KCNIP4: variants seen among roughly 807,000 people sequenced by gnomAD.
KCNIP4 encodes the protein Kv channel-interacting protein 4.
A neutral mutation model predicts 34.0 loss-of-function variants in KCNIP4; 12 were observed. That is an observed-to-expected ratio of 0.35 (90% confidence interval 0.23 to 0.57). KCNIP4 has a LOEUF of 0.57. KCNIP4 is among the 20% of genes least tolerant of loss of function. The probability of loss-of-function intolerance (pLI) is 0.83; values close to 1 mark genes in which losing one functional copy is unlikely to be tolerated. For missense variants in KCNIP4, 238 were observed against 311.7 expected, an observed-to-expected ratio of 0.76 and a Z score of 1.78; for synonymous variants, 124 against 102.2, an observed-to-expected ratio of 1.21 and a Z score of -1.29.
intron 1 of KCNIP4, among the ~76,000 whole-genome samples, chr4:21,332,696 T>C (rs1030226168): frequency 1.3e-5 from 2 of 151,920 alleles, no homozygotes; most frequent in South Asian, 4.1e-4. Context: ...TCCTGTAATG[T>C]ATTACATCAG....
chr4:21,643,732 A>G (rs1394132), intron 1 of KCNIP4, among the ~76,000 whole-genome samples: 70,067 of 151,748 alleles, frequency 0.46, 16,712 homozygotes, highest in Non-Finnish European at 0.5. Context: ...ACTGCCTTCA[A>G]ACTTGAACTC....
intron 1 of KCNIP4, among the ~76,000 whole-genome samples, chr4:21,322,551 G>A (rs1219220644): frequency 6.6e-6 from 1 of 152,038 alleles, no homozygotes; most frequent in Non-Finnish European, 1.5e-5. Flanking sequence ...GTTAAAATAA[G>A]GACATCTGGA....
intron 1 of KCNIP4, among the ~76,000 whole-genome samples, chr4:21,249,781 G>C (rs891313491): frequency 6.6e-6 from 1 of 151,964 alleles, no homozygotes; most frequent in Non-Finnish European, 1.5e-5. Context: ...TGCTCCAAAA[G>C]GTAACAATGT....
At chr4:21,753,869 C>CCTCCAT (rs1717321742) in intron 1 of KCNIP4, among the ~76,000 whole-genome samples, 1 of 152,104 alleles carries the variant, frequency 6.6e-6, no homozygotes, top group Non-Finnish European at 1.5e-5. Context: ...TGACTGCTAC[C>CCTCCAT]GTGGAGATTC....
At position 21,275,594 on chromosome 4, in the gene KCNIP4, T is replaced by C. The variant is rs529546250; in HGVS notation, c.62-392885A>G. ...CCAACACTCCTATGAGAAAGCCTAG[T>C]GCAATTCTTATTTTATACAGATAAG... On this transcript the variant is annotated intron_variant, in intron 1 of 8. Transcript: ENST00000382152. 2.0e-5 allele frequency among the ~76,000 whole-genome samples: 3 copies of C among 152,324 alleles called. No homozygotes were observed. In the East Asian group the frequency reaches 5.8e-4, roughly 29 times the overall value.
At chr4:21,259,702 G>C (rs1761324187) in intron 1 of KCNIP4, among the ~76,000 whole-genome samples, 1 of 152,182 alleles carries the variant, frequency 6.6e-6, no homozygotes, top group South Asian at 2.1e-4. Context: ...GGGGACGAGA[G>C]ACATGTAAAC....
At chr4:21,862,926 ACTCCAGC>A (rs1290289610) in intron 1 of KCNIP4, among the ~76,000 whole-genome samples, 1 of 148,826 alleles carries the variant, frequency 6.7e-6, no homozygotes, top group Non-Finnish European at 1.5e-5. Flanking sequence ...GCGCCACTGC[ACTCCAGC>A]CTGGGTGACC....
intron 1 of KCNIP4, among the ~76,000 whole-genome samples, chr4:20,915,302 C>T (rs2149576432): frequency 6.6e-6 from 1 of 152,282 alleles, no homozygotes; most frequent in South Asian, 2.1e-4. Context: ...ATCTACTCAG[C>T]AGGAGTGCAA....
intron 1 of KCNIP4, among the ~76,000 whole-genome samples, chr4:21,034,246 C>A (rs1167483175): frequency 6.6e-6 from 1 of 152,058 alleles, no homozygotes; most frequent in Non-Finnish European, 1.5e-5. Flanking sequence ...GAGAACAGAG[C>A]CAAAGTGAAT....
At chr4:21,135,180 A>G (rs1751406671) in intron 1 of KCNIP4, among the ~76,000 whole-genome samples, 1 of 152,254 alleles carries the variant, frequency 6.6e-6, no homozygotes, top group Admixed American at 6.5e-5. Context: ...TATAAAGTAT[A>G]TCATTGCTGC....
rs536353779 is a variant in KCNIP4 at position 21,340,496 on chromosome 4, T to C, written c.62-457787A>G. Among the ~76,000 whole-genome samples the C allele has an allele frequency of 2.0e-5, 3 of 152,262 alleles. No homozygotes were observed. In the East Asian group the frequency reaches 5.8e-4, roughly 29 times the overall value. ...ATTTGTTCTGATATGTATAGAATAA[T>C]AACTTGGCAGGATCTCATAAACAGC... On this transcript the variant is annotated intron_variant, in intron 1 of 8. Transcript: ENST00000382152.
chr4:20,759,601 G>GC (rs1754779716), intron 3 of KCNIP4, among the ~76,000 whole-genome samples: 1 of 152,022 alleles, frequency 6.6e-6, no homozygotes, highest in Admixed American at 6.6e-5. Flanking sequence ...GGGCCACAGG[G>GC]CAAGGTTAGC....
intron 3 of KCNIP4, among the ~76,000 whole-genome samples, chr4:20,818,776 A>G (rs546124489): frequency 6.6e-6 from 1 of 152,300 alleles, no homozygotes; most frequent in African/African-American, 2.4e-5. Flanking sequence ...AATAAGATTC[A>G]GAATTAAAGA....
chr4:21,175,707 G>C (rs1280206794), intron 1 of KCNIP4, among the ~76,000 whole-genome samples: 1 of 152,162 alleles, frequency 6.6e-6, no homozygotes, highest in Non-Finnish European at 1.5e-5. Context: ...GACAAAGGGA[G>C]GATTCATGTC....
chr4:20,967,788 A>G (rs1167814223), intron 1 of KCNIP4, among the ~76,000 whole-genome samples: 1 of 152,204 alleles, frequency 6.6e-6, no homozygotes, highest in East Asian at 1.9e-4. Flanking sequence ...CTCAAGATGG[A>G]TTAAAGACTT....
At chr4:21,812,568 T>C (rs1454123844) in intron 1 of KCNIP4, among the ~76,000 whole-genome samples, 6 of 152,208 alleles carry the variant, frequency 3.9e-5, no homozygotes, top group African/African-American at 1.4e-4. Context: ...TTTAGCTAAA[T>C]ATTATGCTTG....
intron 1 of KCNIP4, among the ~76,000 whole-genome samples, chr4:21,233,826 A>G (rs1466795193): frequency 7.1e-6 from 1 of 141,376 alleles, no homozygotes; most frequent in Non-Finnish European, 1.5e-5. Flanking sequence ...TAATTATTAT[A>G]TATTATATAA....
chr4:21,395,347 CT>C (rs1722897976), intron 1 of KCNIP4, among the ~76,000 whole-genome samples: 1 of 152,142 alleles, frequency 6.6e-6, no homozygotes, highest in African/African-American at 2.4e-5. Context: ...TATCATACAT[CT>C]TTTAATCTTC....
At chr4:20,790,470 CTT>C (rs1198848686) in intron 3 of KCNIP4, among the ~76,000 whole-genome samples, 3 of 152,098 alleles carry the variant, frequency 2.0e-5, no homozygotes, top group Non-Finnish European at 4.4e-5. Flanking sequence ...CATTTAAACT[CTT>C]GTAATAACAC....
Sources: gnomAD v4.1 joint callset for allele counts (sites outside exome capture counted in the v4.1 genomes callset) on GRCh38, gnomAD v4.1.1 for gene constraint, MANE v1.5 for transcripts, NCBI Gene and HGNC (gene_info 2026-07-23, HGNC 2026-07-21) for gene names.